Variants in IQSEC3 observed in about 807,000 individuals in gnomAD.
IQSEC3 encodes the protein IQ motif and Sec7 domain ArfGEF 3, also known as IQ motif and SEC7 domain-containing protein 3.
Under a neutral mutation model 105.4 loss-of-function variants are expected in IQSEC3, and 50 were observed. The observed-to-expected ratio is 0.47, with a 90% confidence interval of 0.38 to 0.60. The LOEUF is 0.60. IQSEC3 is among the 20% of genes least tolerant of loss of function. IQSEC3 has a pLI of 0.00. For missense variants in IQSEC3, 1,415 were observed against 1,630.0 expected (o/e 0.87, Z 2.27); for synonymous variants, 708 against 746.0 (o/e 0.95, Z 0.83).
chr12:92,377 C>T (rs1864115314), intron 1 of IQSEC3, among the ~76,000 whole-genome samples: 1 of 152,212 alleles, frequency 6.6e-6, no homozygotes, highest in Non-Finnish European at 1.5e-5. Flanking sequence ...GGGCCACAGC[C>T]TTGGGCTGTG....
At chr12:157,174 C>A in intron 6 of IQSEC3, 27 bp downstream of exon 6, 7 of 1,513,006 alleles carry the variant, frequency 4.6e-6, no homozygotes, top group Non-Finnish European at 6.2e-6. Flanking sequence ...GCTCCACTCC[C>A]CAACAGACCC....
intron 1 of IQSEC3, among the ~76,000 whole-genome samples, chr12:87,478 C>G (rs1195315167): frequency 6.6e-6 from 1 of 152,176 alleles, no homozygotes; most frequent in Non-Finnish European, 1.5e-5. Context: ...ACTAAGAGAT[C>G]ACTAGGGACC....
At chr12:170,325 T>G (rs782035355) in intron 12 of IQSEC3, among the ~76,000 whole-genome samples, 5 of 152,088 alleles carry the variant, frequency 3.3e-5, no homozygotes, top group African/African-American at 1.2e-4. Context: ...GCCTCTCTTT[T>G]GGAAGCTGCC....
In IQSEC3 at chr12:176,909, T is replaced by C. The variant is rs983406865; in HGVS notation, c.*1876T>C. On this transcript the variant is annotated 3_prime_UTR_variant, in exon 14 of 14. Transcript: ENST00000538872. The surrounding 1 kb of genome is among the most constrained non-coding windows in gnomAD (Gnocchi z 4.0). Reference sequence around the variant, plus strand: ...GCCAGGGCAGGGATCGTCCTTAAAGTGAAGGCCTGGACAGGAGGAGTCAGG... The same window carrying C: ...GCCAGGGCAGGGATCGTCCTTAAAGCGAAGGCCTGGACAGGAGGAGTCAGG... 1.1e-4 allele frequency: 16 copies of C among 152,094 alleles called. No individual in the cohort carries two copies. Among genetic ancestry groups the C allele is most frequent in the African/African-American group, 3.9e-4 (16 of 41,346 alleles). The allele number at this position is 152,094 out of a possible 1,614,324, so 9.4% of individuals were successfully genotyped here.
chr12:136,611 A>G (rs1202060456), intron 3 of IQSEC3, among the ~76,000 whole-genome samples: 1 of 152,032 alleles, frequency 6.6e-6, no homozygotes, highest in African/African-American at 2.4e-5. Context: ...CCCACCCATG[A>G]TCCCTGGAGA....
chr12:157,326 G>C (rs1259658833), intron 6 of IQSEC3, among the ~76,000 whole-genome samples, 179 bp downstream of exon 6: 2 of 152,112 alleles, frequency 1.3e-5, no homozygotes, highest in Admixed American at 1.3e-4. Flanking sequence ...AAAAGGGACC[G>C]ACCCCTCGAG....
intron 2 of IQSEC3, among the ~76,000 whole-genome samples, chr12:116,192 G>A (rs1865042342): frequency 6.6e-6 from 1 of 152,208 alleles, no homozygotes; most frequent in East Asian, 1.9e-4. Context: ...AGGCACAGGA[G>A]TTTAAGCGAC....
chr12:75,626 G>A (rs527326374), intron 1 of IQSEC3, among the ~76,000 whole-genome samples: 7 of 152,374 alleles, frequency 4.6e-5, no homozygotes, highest in African/African-American at 1.4e-4. Flanking sequence ...AGGAAGAGCT[G>A]GCAGGCAGCA....
At chr12:119,518 GAGAA>G (rs1394069914) in intron 2 of IQSEC3, among the ~76,000 whole-genome samples, 1 of 152,178 alleles carries the variant, frequency 6.6e-6, no homozygotes, top group Non-Finnish European at 1.5e-5. Context: ...TGGCTACCAA[GAGAA>G]AGAAAGGAGA....
At chr12:97,873 G>C (rs1864287981) in intron 1 of IQSEC3, among the ~76,000 whole-genome samples, 1 of 152,168 alleles carries the variant, frequency 6.6e-6, no homozygotes, top group African/African-American at 2.4e-5. Flanking sequence ...AGCACTTCCT[G>C]TCTACACTCT....
chr12:125,926 C>T lies in IQSEC3; in HGVS notation c.903+14C>T, dbSNP rs1555083313. 6.5e-7 allele frequency: 1 copy of T among 1,529,716 alleles called. No individual in the cohort carries two copies. The allele number at this position is 1,529,716 out of a possible 1,614,324, so 94.8% of individuals were successfully genotyped here. A position where few individuals can be genotyped will look rare whatever the true frequency, so the allele number is the denominator to read the frequency against. ...AAGAATAAACAGGTACCCAGGGCCT[C>T]CTAGGGGGGCGGGGAGGGTGGTGAA... On this transcript the variant is annotated intron_variant, in intron 3 of 13. Coordinates refer to ENST00000538872, the MANE Select transcript of IQSEC3 (RefSeq NM_001170738.2).
At chr12:83,170 AG>A (rs1863803916) in intron 1 of IQSEC3, among the ~76,000 whole-genome samples, 2 of 152,186 alleles carry the variant, frequency 1.3e-5, no homozygotes, top group Admixed American at 1.3e-4. Context: ...AGGGCAGCTG[AG>A]CGTGGCATTG....
intron 11 of IQSEC3, chr12:167,443 C>T (rs1388698888): frequency 6.6e-6 from 1 of 152,152 alleles, no homozygotes; most frequent in African/African-American, 2.4e-5. Flanking sequence ...ATATCCTCTC[C>T]TGCTGCCTCA....
At chr12:115,477 C>T (rs186868335) in intron 2 of IQSEC3, among the ~76,000 whole-genome samples, 124 of 152,196 alleles carry the variant, frequency 8.1e-4, no homozygotes, top group Middle Eastern at 3.4e-3. Flanking sequence ...AACAGGGCTC[C>T]GCGAGGGAGC....
intron 1 of IQSEC3, among the ~76,000 whole-genome samples, chr12:73,562 C>T (rs1358978163): frequency 6.6e-6 from 1 of 152,028 alleles, no homozygotes; most frequent in East Asian, 1.9e-4. Context: ...CCCAGCTACT[C>T]GGGAGGCTGA....
intron 1 of IQSEC3, among the ~76,000 whole-genome samples, chr12:71,879 T>A (rs1863334010): frequency 6.6e-6 from 1 of 152,296 alleles, no homozygotes; most frequent in South Asian, 2.1e-4. Context: ...GGGGCCAGGA[T>A]GAAGGCTCAC....
intron 2 of IQSEC3, among the ~76,000 whole-genome samples, chr12:125,003 G>A (rs1865337902): frequency 6.6e-6 from 1 of 152,124 alleles, no homozygotes; most frequent in South Asian, 2.1e-4. Context: ...CACACCTGGA[G>A]TCCACCCCCC....
intron 5 of IQSEC3, chr12:148,817 C>T (rs1866388508): frequency 6.6e-6 from 1 of 152,138 alleles, no homozygotes; most frequent in Admixed American, 6.5e-5. Context: ...GCCAGGAGCA[C>T]GAGCTAGGGC....
chr12:148,345 C>G (rs10848448), intron 5 of IQSEC3: 49,120 of 152,010 alleles, frequency 0.32, 8,891 homozygotes, highest in Admixed American at 0.42. Flanking sequence ...AAACCCGCCA[C>G]GCAATTCCAA....
Sources: gnomAD v4.1 joint callset for allele counts (sites outside exome capture counted in the v4.1 genomes callset) on GRCh38, gnomAD v4.1.1 for gene constraint, Gnocchi (gnomAD v3.1) non-coding constraint, MANE v1.5 for transcripts, NCBI Gene and HGNC (gene_info 2026-07-23, HGNC 2026-07-21) for gene names.